The following MALRD1 variants were observed in gnomAD, a reference collection of about 807,000 sequenced individuals.
The protein encoded by MALRD1 is MAM and LDL-receptor class A domain-containing protein 1.
A neutral mutation model predicts 242.1 loss-of-function variants in MALRD1; 247 were observed. The observed-to-expected ratio is 1.02, with a 90% CI of 0.92 to 1.13. MALRD1 has a LOEUF of 1.13. Ranked by LOEUF, MALRD1 falls within the 50% of genes most tolerant of loss-of-function variation. The probability of loss-of-function intolerance (pLI) is 0.00; values close to 1 mark genes in which losing one functional copy is unlikely to be tolerated. For synonymous variants in MALRD1, 995 were observed against 866.6 expected, an observed-to-expected ratio of 1.15 and a Z score of -2.60; for missense variants, 2,989 against 2,533.1, an observed-to-expected ratio of 1.18 and a Z score of -3.86.
chr10:19,658,908 A>AT (rs1054927974), intron 36 of MALRD1, among the ~76,000 whole-genome samples: 66 of 152,116 alleles, frequency 4.3e-4, no homozygotes, highest in Non-Finnish European at 7.7e-4. Flanking sequence ...AACAATCTTG[A>AT]TTTTTTTTAA....
intron 4 of MALRD1, among the ~76,000 whole-genome samples, chr10:19,102,527 T>A (rs1008360592): frequency 6.6e-6 from 1 of 152,136 alleles, no homozygotes; most frequent in Admixed American, 6.6e-5. Flanking sequence ...AGAAAAATGA[T>A]CTGTTGTGTT....
intron 31 of MALRD1, among the ~76,000 whole-genome samples, chr10:19,530,343 TATAAATATATA>T: frequency 7.6e-6 from 1 of 130,986 alleles, no homozygotes; most frequent in South Asian, 2.3e-4. Flanking sequence ...ATAATATTTA[TATAAATATATA>T]ATATTTATAT....
intron 11 of MALRD1, among the ~76,000 whole-genome samples, chr10:19,153,187 GA>G (rs1386166202): frequency 2.8e-4 from 43 of 152,094 alleles, no homozygotes; most frequent in African/African-American, 1.0e-3. Context: ...GATTAATCAA[GA>G]CACACTATTT....
chr10:19,664,788 T>A (rs1033808208), intron 36 of MALRD1, among the ~76,000 whole-genome samples: 2 of 152,096 alleles, frequency 1.3e-5, no homozygotes, highest in Non-Finnish European at 2.9e-5. Context: ...TGTTTGTGTA[T>A]CTTTACCTTT....
chr10:19,375,009 C>T (rs186301945), intron 26 of MALRD1, among the ~76,000 whole-genome samples: 72 of 152,196 alleles, frequency 4.7e-4, no homozygotes, highest in Non-Finnish European at 8.7e-4. Flanking sequence ...AGAATGGTCA[C>T]AAAGTGAAAT....
In MALRD1 at chr10:19,173,943, G is replaced by C. The variant is rs190403547; in HGVS notation, c.1831-1265G>C. Among the ~76,000 whole-genome samples the C allele has an allele frequency of 1.4e-4, 22 of 152,236 alleles. No homozygotes were observed. In the South Asian group the frequency reaches 1.9e-3, roughly 13 times the overall value. On this transcript the variant is annotated intron_variant, in intron 13 of 39. Coordinates refer to ENST00000454679, the MANE Select transcript of MALRD1 (RefSeq NM_001142308.3). ...CTCATCACAAGGGACATGGCTGGAA[G>C]CCCTATAACAAAAGAGAGGTTAAAA...
intron 36 of MALRD1, among the ~76,000 whole-genome samples, chr10:19,659,719 T>A (rs1841332029): frequency 6.6e-6 from 1 of 152,076 alleles, no homozygotes; most frequent in Non-Finnish European, 1.5e-5. Context: ...AATTTTCTCA[T>A]TTTTTTATAT....
intron 22 of MALRD1, 69 bp from the exon 23 acceptor site, chr10:19,327,494 G>T: frequency 2.5e-6 from 3 of 1,209,718 alleles, no homozygotes; most frequent in Non-Finnish European, 2.3e-6. Context: ...ATCACTGGAA[G>T]AATTCTACAT....
intron 38 of MALRD1, chr10:19,711,200 A>G (rs2131873040): frequency 6.6e-6 from 1 of 152,172 alleles, no homozygotes; most frequent in Non-Finnish European, 1.5e-5. Flanking sequence ...CCTTAGGGAT[A>G]CTCCTTCCAC....
chr10:19,587,090 C>T (rs1837465704), intron 33 of MALRD1, among the ~76,000 whole-genome samples: 2 of 152,246 alleles, frequency 1.3e-5, no homozygotes, highest in Admixed American at 1.3e-4. Context: ...TCGGCTCGCG[C>T]ACGGTGCATG....
intron 31 of MALRD1, among the ~76,000 whole-genome samples, chr10:19,511,985 C>T (rs61841378): frequency 0.097 from 14,678 of 151,778 alleles, 735 homozygotes; most frequent in South Asian, 0.11. Flanking sequence ...CTTGAGGTCT[C>T]CAAAAGATGT....
At chr10:19,462,187 C>G (rs971844828) in intron 29 of MALRD1, among the ~76,000 whole-genome samples, 3 of 152,142 alleles carry the variant, frequency 2.0e-5, no homozygotes, top group African/African-American at 7.2e-5. Flanking sequence ...TAAAGCACTT[C>G]CTCTTGAGTG....
intron 32 of MALRD1, among the ~76,000 whole-genome samples, chr10:19,533,822 A>G (rs9703871): frequency 0.1 from 15,357 of 152,232 alleles, 2,257 homozygotes; most frequent in African/African-American, 0.32. Context: ...GACGGGGTCA[A>G]ATATCCAAAC....
chr10:19,430,132 T>G (rs1016069652), intron 28 of MALRD1, among the ~76,000 whole-genome samples: 2 of 144,404 alleles, frequency 1.4e-5, no homozygotes, highest in Admixed American at 7.0e-5. Flanking sequence ...TTTTTTTTTT[T>G]GAGATGGAGG....
chr10:19,175,834 C>T (rs2131543175), intron 14 of MALRD1, among the ~76,000 whole-genome samples: 1 of 152,208 alleles, frequency 6.6e-6, no homozygotes, highest in African/African-American at 2.4e-5. Flanking sequence ...TTTCAGATCA[C>T]AGATGGAGTT....
At chr10:19,524,732 A>C (rs925524664) in intron 31 of MALRD1, among the ~76,000 whole-genome samples, 2 of 152,122 alleles carry the variant, frequency 1.3e-5, no homozygotes, top group African/African-American at 2.4e-5. Context: ...AAATGAGAAA[A>C]AAAAAGTCTA....
chr10:19,063,699 G>A (rs79689531), intron 1 of MALRD1, among the ~76,000 whole-genome samples: 1,972 of 151,598 alleles, frequency 0.013, 44 homozygotes, highest in African/African-American at 0.046. Flanking sequence ...TTGGACATTT[G>A]GGTTGGTTCC....
At chr10:19,331,811 A>G (rs1317316608) in intron 24 of MALRD1, among the ~76,000 whole-genome samples, 1 of 152,096 alleles carries the variant, frequency 6.6e-6, no homozygotes, top group African/African-American at 2.4e-5. Flanking sequence ...TTAATTGGAG[A>G]TAAATTGGAA....
intron 36 of MALRD1, among the ~76,000 whole-genome samples, chr10:19,685,318 A>C (rs7068238): frequency 0.47 from 70,743 of 152,046 alleles, 17,123 homozygotes; most frequent in Non-Finnish European, 0.53. Flanking sequence ...ATACTTCTAC[A>C]AATTCCCCAG....
Sources: gnomAD v4.1 joint callset for allele counts (sites outside exome capture counted in the v4.1 genomes callset) on GRCh38, gnomAD v4.1.1 for gene constraint, MANE v1.5 for transcripts, NCBI Gene and HGNC (gene_info 2026-07-23, HGNC 2026-07-21) for gene names.